MICU1: variants seen among roughly 807,000 people sequenced by gnomAD.
The protein encoded by MICU1 is mitochondrial calcium uptake 1, also known as calcium uptake protein 1, mitochondrial.
MICU1 carries 45 observed loss-of-function variants against 56.8 expected under a neutral mutation model. The observed-to-expected ratio is 0.79, with a 90% CI of 0.62 to 1.02. The LOEUF (loss-of-function observed/expected upper bound fraction) is 1.02. MICU1 is among the 50% of genes least tolerant of loss of function. The pLI is 0.00. For missense variants in MICU1, 504 were observed against 587.1 expected, an observed-to-expected ratio of 0.86 and a Z score of 1.46; for synonymous variants, 186 against 195.1, an observed-to-expected ratio of 0.95 and a Z score of 0.39.
intron 6 of MICU1, among the ~76,000 whole-genome samples, chr10:72,500,165 C>T (rs1248647371): frequency 6.7e-6 from 1 of 149,550 alleles, no homozygotes; most frequent in East Asian, 2.0e-4. Context: ...GGGTACCAAA[C>T]ATTTTTGCTT....
At chr10:72,579,931 CA>C (rs1282534977) in intron 1 of MICU1, among the ~76,000 whole-genome samples, 1 of 146,288 alleles carries the variant, frequency 6.8e-6, no homozygotes, top group Non-Finnish European at 1.5e-5. Context: ...TCCAAATATT[CA>C]AAAATCAAAA....
chr10:72,417,453 CAAAAAAAA>C (rs869171199), intron 9 of MICU1, among the ~76,000 whole-genome samples: 1 of 66,468 alleles, frequency 1.5e-5, no homozygotes, highest in Non-Finnish European at 3.0e-5. Flanking sequence ...GACTCCGTCT[CAAAAAAAA>C]AAAAAAAAAA....
intron 9 of MICU1, among the ~76,000 whole-genome samples, chr10:72,421,002 C>CAAAAAAAAAAAAAAAAAAAAAAAAAA (rs34221911): frequency 9.2e-6 from 1 of 108,662 alleles, no homozygotes; most frequent in Non-Finnish European, 1.8e-5. Context: ...AACTCCGTCT[C>CAAAAAAAAAAAAAAAAAAAAAAAAAA]AAAAAAAAAA....
chr10:72,526,296 A>G (rs918882846), intron 5 of MICU1, among the ~76,000 whole-genome samples: 3 of 152,110 alleles, frequency 2.0e-5, no homozygotes, highest in African/African-American at 7.2e-5. Flanking sequence ...TTGCAAATTA[A>G]TTACATTCTT....
At chr10:72,495,585 G>A (rs1866810015) in intron 6 of MICU1, among the ~76,000 whole-genome samples, 1 of 150,340 alleles carries the variant, frequency 6.7e-6, no homozygotes. Context: ...AACCTGGGAG[G>A]CAGAGGTTGC....
chr10:72,533,057 G>C (rs1427013695), intron 5 of MICU1: 1 of 1,289,680 alleles, frequency 7.8e-7, no homozygotes, highest in East Asian at 5.6e-5. Context: ...GTAGAACCAT[G>C]CCTGGTTCTT....
chr10:72,430,940 A>G (rs1276310372), intron 8 of MICU1, among the ~76,000 whole-genome samples: 1 of 152,184 alleles, frequency 6.6e-6, no homozygotes. Context: ...CTAACTTTAT[A>G]AAATGGTATC....
intron 5 of MICU1, among the ~76,000 whole-genome samples, chr10:72,523,408 T>C (rs1867880865): frequency 6.6e-6 from 1 of 152,190 alleles, no homozygotes; most frequent in South Asian, 2.1e-4. Flanking sequence ...TAATTTTTAA[T>C]GTATTTGTTG....
intron 8 of MICU1, among the ~76,000 whole-genome samples, chr10:72,457,850 C>A (rs1465918742): frequency 6.6e-6 from 1 of 152,018 alleles, no homozygotes; most frequent in African/African-American, 2.4e-5. Context: ...GTTTGACCAA[C>A]CTTAATAGCA....
chr10:72,506,821 C>T (rs1336509680), intron 6 of MICU1, among the ~76,000 whole-genome samples: 1 of 152,124 alleles, frequency 6.6e-6, no homozygotes, highest in African/African-American at 2.4e-5. Flanking sequence ...TTTAAAAGTA[C>T]ATTATGATCT....
chr10:72,439,338 C>G (rs947767226), intron 8 of MICU1, among the ~76,000 whole-genome samples: 1 of 152,156 alleles, frequency 6.6e-6, no homozygotes, highest in Non-Finnish European at 1.5e-5. Context: ...AGGCCTTTGA[C>G]AAAATTCAAC....
intron 8 of MICU1, among the ~76,000 whole-genome samples, chr10:72,459,105 T>A (rs184512201): frequency 9.4e-4 from 143 of 152,104 alleles, no homozygotes; most frequent in African/African-American, 3.1e-3. Context: ...CCAAGGCAGG[T>A]GGATCTCTTG....
chr10:72,451,267 C>T (rs957583457), intron 8 of MICU1, among the ~76,000 whole-genome samples: 1 of 152,130 alleles, frequency 6.6e-6, no homozygotes, highest in African/African-American at 2.4e-5. Context: ...TTGTGATCTG[C>T]CTGCCTCAGC....
chr10:72,534,237 CACAA>C, intron 4 of MICU1, among the ~76,000 whole-genome samples: 1 of 144,030 alleles, frequency 6.9e-6, no homozygotes. Flanking sequence ...CCTAAACAGA[CACAA>C]ACAGACCATC....
chr10:72,517,200 G>A (rs1029172402), intron 5 of MICU1, among the ~76,000 whole-genome samples: 1 of 152,116 alleles, frequency 6.6e-6, no homozygotes. Context: ...CTGTGCCTAT[G>A]GCTGCTTCTT....
intron 9 of MICU1, among the ~76,000 whole-genome samples, chr10:72,408,281 C>T (rs1863694893): frequency 6.6e-6 from 1 of 152,092 alleles, no homozygotes; most frequent in Non-Finnish European, 1.5e-5. Context: ...AGAAAGCTTA[C>T]AGTGATGGCT....
chr10:72,459,612 G>A (rs1865585852), intron 8 of MICU1, among the ~76,000 whole-genome samples: 1 of 152,098 alleles, frequency 6.6e-6, no homozygotes, highest in African/African-American at 2.4e-5. Flanking sequence ...TATAAGGATA[G>A]CACTCTGTCC....
At chr10:72,454,127 G>C (rs11000311) in intron 8 of MICU1, among the ~76,000 whole-genome samples, 152,190 of 152,246 alleles carry the variant, frequency 1, 76,067 homozygotes, top group Middle Eastern at 1. Flanking sequence ...CTACCCCGCC[G>C]GGCCCCAACA....
At chr10:72,385,211 C>A (rs142419089) in intron 10 of MICU1, among the ~76,000 whole-genome samples, 1 of 152,016 alleles carries the variant, frequency 6.6e-6, no homozygotes, top group Admixed American at 6.6e-5. Flanking sequence ...ACAAGCAGGC[C>A]GGGCACAGTG....
Sources: allele counts gnomAD v4.1 joint callset (sites outside exome capture counted in the v4.1 genomes callset), GRCh38; gene constraint gnomAD v4.1.1; transcripts MANE v1.5; gene names NCBI Gene and HGNC (gene_info 2026-07-23, HGNC 2026-07-21).